The following LARGE1 variants were observed in gnomAD, a reference collection of about 807,000 sequenced individuals.
LARGE1 encodes LARGE xylosyl- and glucuronyltransferase 1.
Under a neutral mutation model 87.6 loss-of-function variants are expected in LARGE1, and 43 were observed. The observed-to-expected ratio is 0.49, with a 90% CI of 0.38 to 0.63. LARGE1 has a LOEUF of 0.63. Ranked by LOEUF, LARGE1 falls within the 30% of genes least tolerant of loss-of-function variation. LARGE1 has a pLI of 0.00. For synonymous variants in LARGE1, 434 were observed against 394.6 expected (o/e 1.10, Z -1.18); for missense variants, 802 against 1,000.2 (o/e 0.80, Z 2.67).
At chr22:33,767,279 G>A (rs894417349) in intron 1 of LARGE1, among the ~76,000 whole-genome samples, 2 of 151,416 alleles carry the variant, frequency 1.3e-5, no homozygotes, top group Admixed American at 6.6e-5. Context: ...CTGAGATCTC[G>A]CCACTGCACT....
the LARGE1 span, among the ~76,000 whole-genome samples, chr22:33,095,396 T>G: frequency 6.6e-6 from 1 of 152,220 alleles, no homozygotes; most frequent in Non-Finnish European, 1.5e-5. Context: ...TGTGTCACTG[T>G]GTCCTCTCAT....
intron 12 of LARGE1, among the ~76,000 whole-genome samples, chr22:33,286,787 A>G (rs1335193123): frequency 6.6e-6 from 1 of 152,224 alleles, no homozygotes; most frequent in East Asian, 1.9e-4. Context: ...TTGTATCTAT[A>G]TAAGGATCAA....
chr22:33,132,118 G>A, the LARGE1 span, among the ~76,000 whole-genome samples: 2,225 of 152,238 alleles, frequency 0.015, 33 homozygotes, highest in Admixed American at 0.054. Context: ...CTAAAGATGA[G>A]ATTTGGGTGG....
intron 6 of LARGE1, among the ~76,000 whole-genome samples, chr22:33,553,984 C>T (rs2077604091): frequency 6.6e-6 from 1 of 152,108 alleles, no homozygotes; most frequent in Non-Finnish European, 1.5e-5. Flanking sequence ...TCCTCACTCC[C>T]ACCCAGTAAG....
chr22:33,884,631 C>T (rs888018418), intron 1 of LARGE1, among the ~76,000 whole-genome samples: 7 of 152,214 alleles, frequency 4.6e-5, no homozygotes, highest in African/African-American at 1.7e-4. Context: ...GCCAGATTCT[C>T]GAGGTCACGG....
intron 6 of LARGE1, among the ~76,000 whole-genome samples, chr22:33,459,754 T>C (rs1384680324): frequency 6.6e-6 from 1 of 151,296 alleles, no homozygotes; most frequent in Admixed American, 6.6e-5. Context: ...CCAAAAACAA[T>C]GTAGGTAAGT....
chr22:33,707,095 A>G (rs1322141061), intron 2 of LARGE1, among the ~76,000 whole-genome samples: 2 of 152,218 alleles, frequency 1.3e-5, no homozygotes. Flanking sequence ...TGTCATCTTC[A>G]GTAGATCCAG....
chr22:33,068,413 AG>A, the LARGE1 span, among the ~76,000 whole-genome samples: 1 of 152,176 alleles, frequency 6.6e-6, no homozygotes, highest in Non-Finnish European at 1.5e-5. Flanking sequence ...TGGGAGGTCG[AG>A]GTGGGCAGAT....
chr22:33,606,368 G>A (rs2079260981), intron 4 of LARGE1, among the ~76,000 whole-genome samples: 1 of 151,564 alleles, frequency 6.6e-6, no homozygotes, highest in South Asian at 2.1e-4. Flanking sequence ...TTGCACGACT[G>A]CACTCCAGCC....
chr22:33,280,564 G>A (rs1175606039), intron 13 of LARGE1, among the ~76,000 whole-genome samples: 3 of 152,148 alleles, frequency 2.0e-5, no homozygotes, highest in Admixed American at 2.0e-4. Context: ...TAGTCATCTG[G>A]CTGAGGAGGC....
intron 1 of LARGE1, among the ~76,000 whole-genome samples, chr22:33,902,830 G>A (rs915012964): frequency 5.3e-5 from 8 of 152,136 alleles, no homozygotes; most frequent in Non-Finnish European, 1.0e-4. Flanking sequence ...TAGTGACGGG[G>A]TCTTTAAAAA....
intron 8 of LARGE1, 130 bp downstream of exon 8, chr22:33,384,062 A>G: frequency 1.3e-6 from 1 of 772,034 alleles, no homozygotes; most frequent in Non-Finnish European, 2.3e-6. Context: ...AGAATAAGGC[A>G]GCTGTATCAG....
chr22:33,578,913 G>C (rs1226770920), intron 5 of LARGE1, among the ~76,000 whole-genome samples: 1 of 152,112 alleles, frequency 6.6e-6, no homozygotes, highest in African/African-American at 2.4e-5. Flanking sequence ...TTATAATAGA[G>C]TCATACACCT....
At chr22:33,531,364 G>C (rs1255528778) in intron 6 of LARGE1, among the ~76,000 whole-genome samples, 1 of 152,058 alleles carries the variant, frequency 6.6e-6, no homozygotes, top group Non-Finnish European at 1.5e-5. Context: ...CACCACGTTG[G>C]CCAGGCTGGT....
chr22:33,623,838 T>C (rs1345737877), intron 4 of LARGE1, among the ~76,000 whole-genome samples: 1 of 151,944 alleles, frequency 6.6e-6, no homozygotes, highest in Non-Finnish European at 1.5e-5. Context: ...TGGGACCAGC[T>C]GGCCAACATG....
At chr22:33,072,144 G>T in the LARGE1 span, among the ~76,000 whole-genome samples, 2 of 151,954 alleles carry the variant, frequency 1.3e-5, no homozygotes, top group South Asian at 4.2e-4. Flanking sequence ...CACATCCCTG[G>T]GTCCAAAAGA....
intron 11 of LARGE1, among the ~76,000 whole-genome samples, chr22:33,195,172 C>T (rs1417842048): frequency 6.6e-6 from 1 of 152,002 alleles, no homozygotes; most frequent in Non-Finnish European, 1.5e-5. Flanking sequence ...AGAAAAATAC[C>T]CTTCTTTCAA....
intron 1 of LARGE1, among the ~76,000 whole-genome samples, chr22:33,892,061 C>T (rs929164567): frequency 6.6e-6 from 1 of 152,140 alleles, no homozygotes; most frequent in Admixed American, 6.5e-5. Flanking sequence ...CTTGTCCTGG[C>T]CTTCTCACCA....
chr22:33,563,678 C>G (rs188358275), intron 6 of LARGE1, among the ~76,000 whole-genome samples: 208 of 152,296 alleles, frequency 1.4e-3, no homozygotes, highest in African/African-American at 4.8e-3. Context: ...CAAAAGGACA[C>G]GTCCACACGT....
Sources: gnomAD v4.1 joint callset for allele counts (sites outside exome capture counted in the v4.1 genomes callset) on GRCh38, gnomAD v4.1.1 for gene constraint, MANE v1.5 for transcripts, NCBI Gene and HGNC (gene_info 2026-07-23, HGNC 2026-07-21) for gene names.